Variants in GRIN2B observed in about 807,000 individuals in gnomAD.
The protein encoded by GRIN2B is glutamate ionotropic receptor NMDA type subunit 2B, also known as glutamate receptor ionotropic, NMDA 2B.
A neutral mutation model predicts 114.5 loss-of-function variants in GRIN2B; 5 were observed. The ratio of observed to expected loss-of-function variants is 0.04; its 90% CI spans 0.02 to 0.09. The LOEUF (loss-of-function observed/expected upper bound fraction) is 0.09, where lower values mean the gene tolerates loss of function less well. Ranked by LOEUF, GRIN2B falls within the 10% of genes least tolerant of loss-of-function variation. GRIN2B has a pLI of 1.00. For missense variants in GRIN2B, 1,108 were observed against 1,943.5 expected, an observed-to-expected ratio of 0.57 and a Z score of 8.08; for synonymous variants, 787 against 745.1, an observed-to-expected ratio of 1.06 and a Z score of -0.92.
intron 10 of GRIN2B, among the ~76,000 whole-genome samples, chr12:13,576,549 T>C (rs576158312): frequency 3.9e-4 from 57 of 145,186 alleles, no homozygotes; most frequent in Non-Finnish European, 7.6e-4. Context: ...CTTTTTTCTT[T>C]TTTCTTTTTT....
intron 3 of GRIN2B, among the ~76,000 whole-genome samples, chr12:13,823,395 T>C (rs531792520): frequency 3.3e-5 from 5 of 152,178 alleles, no homozygotes; most frequent in African/African-American, 1.2e-4. Context: ...TTGATATATA[T>C]GTATAATTTT....
rs56069446 is a variant in GRIN2B, at chr12:13,608,895, CA to C, written c.1781-64del. On this transcript the variant is annotated intron_variant, in intron 9 of 13. Transcript: ENST00000609686. ...TTGTGGCTGGTTCTGTTGAAACCTA[CA>C]AATACACAGGGTGAGTCCCTGCTCA... is the stretch of plus-strand genomic sequence containing the variant. The C allele has an allele frequency of 0.066, 76,542 of 1,162,872 alleles. 3,298 individuals are homozygous for C. The highest frequency in any genetic ancestry group is 0.082 in the Non-Finnish European group (63,938 of 775,056). The allele number at this position is 1,162,872 out of a possible 1,614,324, so 72.0% of individuals were successfully genotyped here.
chr12:13,615,015 C>T lies in GRIN2B; in HGVS notation c.1654+99G>A, dbSNP rs531840303. On this transcript the variant is annotated intron_variant, in intron 8 of 13. Coordinates refer to ENST00000609686, the MANE Select transcript of GRIN2B (RefSeq NM_000834.5). This position sits in a 1 kb window ranked among gnomAD's most constrained non-coding sequence, Gnocchi z 5.8. Reference sequence around the variant, plus strand: ...GCTGAGTTGAGCTCCTAGCAAACCACCTTCTAGCTGGAACAGCCTGGCCAT... The same window carrying T: ...GCTGAGTTGAGCTCCTAGCAAACCATCTTCTAGCTGGAACAGCCTGGCCAT... 3.6e-5 allele frequency: 40 copies of T among 1,126,452 alleles called. No individual in the cohort carries two copies. The highest frequency in any genetic ancestry group is 5.2e-5 in the Non-Finnish European group (38 of 736,922). The allele number at this position is 1,126,452 out of a possible 1,614,324, so 69.8% of individuals were successfully genotyped here. A position where few individuals can be genotyped will look rare whatever the true frequency, so the allele number is the denominator to read the frequency against.
chr12:13,555,685 G>C lies in GRIN2B; in HGVS notation c.*7098C>G, dbSNP rs953166289. ...TCTAAAGGCAGAGAGGACAGCATAT[G>C]TGAGGATTCAATAATCAGATTTTCT... On this transcript the variant is annotated 3_prime_UTR_variant, in exon 14 of 14. Transcript: ENST00000609686. 2 of 152,202 alleles carry C rather than the reference G, an allele frequency of 1.3e-5. No individual in the cohort carries two copies. Among genetic ancestry groups the C allele is most frequent in the African/African-American group, 4.8e-5 (2 of 41,450 alleles). The allele number at this position is 152,202 out of a possible 1,614,324, so 9.4% of individuals were successfully genotyped here. A position where few individuals can be genotyped will look rare whatever the true frequency, so the allele number is the denominator to read the frequency against.
intron 4 of GRIN2B, among the ~76,000 whole-genome samples, chr12:13,681,673 ATTTCT>A (rs1025514881): frequency 6.6e-6 from 1 of 152,102 alleles, no homozygotes; most frequent in African/African-American, 2.4e-5. Flanking sequence ...TTATCTCTAC[ATTTCT>A]TTTCTTCTTT....
At chr12:13,855,087 G>T (rs1259578238) in intron 3 of GRIN2B, among the ~76,000 whole-genome samples, 1 of 145,374 alleles carries the variant, frequency 6.9e-6, no homozygotes, top group African/African-American at 2.6e-5. Context: ...GCGTGGTGGT[G>T]CATGCCTGTA....
At chr12:13,653,551 GA>G (rs1949838014) in intron 5 of GRIN2B, among the ~76,000 whole-genome samples, 1 of 151,714 alleles carries the variant, frequency 6.6e-6, no homozygotes, top group South Asian at 2.1e-4. Flanking sequence ...GGGGGAGTGA[GA>G]AAAAAAGCCA....
intron 2 of GRIN2B, among the ~76,000 whole-genome samples, chr12:13,927,990 T>G (rs868664999): frequency 0.025 from 1,117 of 44,508 alleles, 3 homozygotes; most frequent in Middle Eastern, 0.11. Flanking sequence ...AAAGGGGGGG[T>G]ATGCTGTGGA....
chr12:13,660,240 G>A (rs1949908418), intron 5 of GRIN2B, among the ~76,000 whole-genome samples: 1 of 152,076 alleles, frequency 6.6e-6, no homozygotes, highest in African/African-American at 2.4e-5. Context: ...CCACACACAG[G>A]CATGAATAAC....
At chr12:13,819,586 ACTAT>A (rs1864893899) in intron 3 of GRIN2B, among the ~76,000 whole-genome samples, 1 of 152,200 alleles carries the variant, frequency 6.6e-6, no homozygotes, top group African/African-American at 2.4e-5. Context: ...ACTACCTAGC[ACTAT>A]CCTAGGGGTG....
intron 3 of GRIN2B, among the ~76,000 whole-genome samples, chr12:13,792,609 C>T (rs561719039): frequency 8.5e-5 from 13 of 152,322 alleles, no homozygotes; most frequent in African/African-American, 2.4e-4. Flanking sequence ...CTTCAGGCTC[C>T]CTGAGGAAGG....
chr12:13,888,315 G>A (rs1209942713), intron 2 of GRIN2B, among the ~76,000 whole-genome samples: 2 of 151,968 alleles, frequency 1.3e-5, no homozygotes, highest in Admixed American at 6.6e-5. Flanking sequence ...CCTCGGCTAC[G>A]AACCTGTATA....
At chr12:13,967,555 A>G (rs11055697) in intron 2 of GRIN2B, among the ~76,000 whole-genome samples, 42,296 of 152,244 alleles carry the variant, frequency 0.28, 7,373 homozygotes, top group East Asian at 0.46. Context: ...CACTAAGCAC[A>G]GAACCTGTAG....
intron 2 of GRIN2B, among the ~76,000 whole-genome samples, chr12:13,916,712 TACACAC>T (rs1156830012): frequency 8.3e-5 from 8 of 96,906 alleles, no homozygotes; most frequent in Non-Finnish European, 1.8e-4. Context: ...CATATACATA[TACACAC>T]ACACACACAC....
At chr12:13,820,488 T>C (rs1864913221) in intron 3 of GRIN2B, among the ~76,000 whole-genome samples, 1 of 152,204 alleles carries the variant, frequency 6.6e-6, no homozygotes, top group African/African-American at 2.4e-5. Flanking sequence ...TTCTTAGAAA[T>C]TGTTTTTCTC....
intron 4 of GRIN2B, among the ~76,000 whole-genome samples, chr12:13,718,535 T>C (rs1462950959): frequency 6.6e-6 from 1 of 152,094 alleles, no homozygotes; most frequent in Non-Finnish European, 1.5e-5. Flanking sequence ...GTAAATTGTG[T>C]GCTTTGCCCT....
intron 2 of GRIN2B, among the ~76,000 whole-genome samples, chr12:13,905,778 C>T (rs913396099): frequency 4.6e-5 from 7 of 152,272 alleles, no homozygotes; most frequent in East Asian, 3.9e-4. Context: ...AGTATTCTGA[C>T]GAGCTGAGAG....
chr12:13,675,717 C>T (rs748500461), intron 5 of GRIN2B, 28 bp downstream of exon 5: 2 of 1,349,768 alleles, frequency 1.5e-6, no homozygotes, highest in Non-Finnish European at 2.1e-6. Context: ...CTCTACTTTG[C>T]TCAAGAATTG....
At chr12:13,949,621 G>A (rs1022779465) in intron 2 of GRIN2B, among the ~76,000 whole-genome samples, 12 of 152,212 alleles carry the variant, frequency 7.9e-5, no homozygotes, top group African/African-American at 2.9e-4. Flanking sequence ...CTACAGGAGG[G>A]TGTCAGGTAC....
Sources: allele counts gnomAD v4.1 joint callset (sites outside exome capture counted in the v4.1 genomes callset), GRCh38; gene constraint gnomAD v4.1.1; non-coding constraint Gnocchi (gnomAD v3.1); transcripts MANE v1.5; gene names NCBI Gene and HGNC (gene_info 2026-07-23, HGNC 2026-07-21).